The following MYO10 variants were observed in gnomAD, a reference collection of about 807,000 sequenced individuals.
The protein encoded by MYO10 is myosin X.
Under a neutral mutation model 257.3 loss-of-function variants are expected in MYO10, and 133 were observed. The observed-to-expected ratio is 0.52, with a 90% CI of 0.45 to 0.60. The LOEUF is 0.60. Ranked by LOEUF, MYO10 falls within the 20% of genes least tolerant of loss-of-function variation. MYO10 has a pLI of 0.00. For missense variants in MYO10, 2,399 were observed against 2,635.7 expected, an observed-to-expected ratio of 0.91 and a Z score of 1.97; for synonymous variants, 1,104 against 1,028.6, an observed-to-expected ratio of 1.07 and a Z score of -1.40.
intron 19 of MYO10, among the ~76,000 whole-genome samples, chr5:16,739,817 G>A (rs557056328): frequency 1.3e-5 from 2 of 152,074 alleles, no homozygotes; most frequent in South Asian, 2.1e-4. Flanking sequence ...TAAAATTATG[G>A]GTAACTAATT....
chr5:16,799,964 G>C (rs1417809109), intron 3 of MYO10, among the ~76,000 whole-genome samples: 1 of 152,140 alleles, frequency 6.6e-6, no homozygotes, highest in African/African-American at 2.4e-5. Context: ...TCAATTCTGA[G>C]TCACCATCTT....
At chr5:16,713,222 T>C in intron 19 of MYO10, 1 of 764,804 alleles carries the variant, frequency 1.3e-6, no homozygotes, top group African/African-American at 1.9e-5. Context: ...TCTCCCAGTC[T>C]CTATAGAACA....
At chr5:16,887,233 T>C (rs987933441) in intron 1 of MYO10, among the ~76,000 whole-genome samples, 7 of 152,104 alleles carry the variant, frequency 4.6e-5, no homozygotes, top group Admixed American at 2.6e-4. Context: ...GAGGATAACA[T>C]GAAAAGTTTA....
At chr5:16,800,854 C>T (rs777711651) in intron 3 of MYO10, among the ~76,000 whole-genome samples, 5 of 152,152 alleles carry the variant, frequency 3.3e-5, no homozygotes, top group East Asian at 1.9e-4. Context: ...CGTCTGAATG[C>T]GTGGTTAACG....
chr5:16,737,929 G>A (rs757183037), intron 19 of MYO10, among the ~76,000 whole-genome samples: 2 of 152,208 alleles, frequency 1.3e-5, no homozygotes, highest in Non-Finnish European at 1.5e-5. Flanking sequence ...ATCTGTTTGA[G>A]ATAGCTGACG....
chr5:16,927,136 C>T (rs1746156990), intron 1 of MYO10, among the ~76,000 whole-genome samples: 1 of 151,912 alleles, frequency 6.6e-6, no homozygotes. Flanking sequence ...TGCCTCTGGC[C>T]CCACAAATGA....
At chr5:16,710,830 T>TA in intron 21 of MYO10, 78 bp downstream of exon 21, 1 of 1,214,038 alleles carries the variant, frequency 8.2e-7, no homozygotes, top group Non-Finnish European at 1.2e-6. Flanking sequence ...AGCGGTGTCA[T>TA]AGAGCCCTAA....
chr5:16,672,906 C>T, intron 36 of MYO10, 81 bp from the exon 37 acceptor site: 2 of 1,490,834 alleles, frequency 1.3e-6, no homozygotes, highest in Admixed American at 2.2e-5. Context: ...TCACCTGATC[C>T]CAGAGGGAGC....
chr5:16,690,110 G>A (rs1737431377), intron 27 of MYO10, among the ~76,000 whole-genome samples, 191 bp from the exon 28 acceptor site: 1 of 151,968 alleles, frequency 6.6e-6, no homozygotes, highest in East Asian at 1.9e-4. Context: ...ACCAGCAGCA[G>A]ATCAAAAATA....
At chr5:16,669,597 G>A (rs530633766) in intron 39 of MYO10, among the ~76,000 whole-genome samples, 82 of 152,282 alleles carry the variant, frequency 5.4e-4, no homozygotes, top group African/African-American at 1.8e-3. Flanking sequence ...GGGAGAAATG[G>A]AATTATGGCT....
chr5:16,708,838 C>A (rs1039437879), intron 21 of MYO10, among the ~76,000 whole-genome samples: 10 of 152,212 alleles, frequency 6.6e-5, no homozygotes, highest in Non-Finnish European at 1.2e-4. Flanking sequence ...GCTGGAATTA[C>A]AAATGTGAGC....
intron 19 of MYO10, among the ~76,000 whole-genome samples, chr5:16,753,046 C>A (rs180887161): frequency 6.6e-6 from 1 of 152,202 alleles, no homozygotes; most frequent in Non-Finnish European, 1.5e-5. Flanking sequence ...CAAATTCTCA[C>A]CATCATATCT....
intron 19 of MYO10, among the ~76,000 whole-genome samples, chr5:16,725,787 C>CCT (rs1406942322): frequency 3.6e-5 from 5 of 138,292 alleles, no homozygotes; most frequent in East Asian, 2.2e-4. Flanking sequence ...CAGGTACCCC[C>CCT]TTTTTTTTTT....
rs540516444 is a variant in MYO10 at position 16,692,288 on chromosome 5, T to C, written c.3800+2083A>G. The stretch of plus-strand genomic sequence containing the variant: ...TACAAAAATTAGCCAGGCATGGTGG[T>C]AGGCACCTGTAATCCCAGCTACTCA... On this transcript the variant is annotated intron_variant, in intron 27 of 40. Coordinates refer to ENST00000513610, the MANE Select transcript of MYO10 (RefSeq NM_012334.3). 4.6e-5 allele frequency among the ~76,000 whole-genome samples: 7 copies of C among 151,966 alleles called. No individual in the cohort carries two copies. The South Asian group carries it at 1.3e-3, about 27-fold the overall frequency.
rs550989181 is a variant in MYO10 at position 16,682,068 on chromosome 5, C to T, written c.4047-55G>A. ...CCCCTTAGCCCTACCGTCAGCATCA[C>T]CTCTGTGTGAACCGAGACTCAGTGC... On this transcript the variant is annotated intron_variant, in intron 30 of 40. Transcript: ENST00000513610. The T allele has an allele frequency of 1.1e-5, 18 of 1,579,012 alleles. No individual in the cohort carries two copies. The East Asian group carries it at 3.4e-4, about 29-fold the overall frequency.
rs546000898 is a variant in MYO10, at chr5:16,835,387, G to C, written c.121-17220C>G. ...ATCTCTACTAAAAAATACAAAATTA[G>C]CCGGGCGTTGTGGAGCATGCCTGTA... On this transcript the variant is annotated intron_variant, in intron 2 of 40. Coordinates refer to ENST00000513610, the MANE Select transcript of MYO10 (RefSeq NM_012334.3). Among the ~76,000 whole-genome samples, 40 of 151,600 alleles carry C rather than the reference G, an allele frequency of 2.6e-4. 1 individual carries two copies. The South Asian group carries it at 8.1e-3, about 31-fold the overall frequency.
chr5:16,858,020 C>T (rs1390773084), intron 2 of MYO10, among the ~76,000 whole-genome samples: 2 of 152,188 alleles, frequency 1.3e-5, no homozygotes, highest in Non-Finnish European at 2.9e-5. Flanking sequence ...AAAGGACTGA[C>T]GGTCCATACG....
At chr5:16,774,255 A>C (rs1741145670) in intron 9 of MYO10, among the ~76,000 whole-genome samples, 1 of 152,070 alleles carries the variant, frequency 6.6e-6, no homozygotes, top group African/African-American at 2.4e-5. Context: ...TCAGCTTGTC[A>C]CCCTGGAAAC....
At chr5:16,692,466 T>C (rs1737553220) in intron 27 of MYO10, among the ~76,000 whole-genome samples, 1 of 152,162 alleles carries the variant, frequency 6.6e-6, no homozygotes, top group African/African-American at 2.4e-5. Context: ...TGCAGAAATC[T>C]GAACAATGAC....
Sources: allele counts gnomAD v4.1 joint callset (sites outside exome capture counted in the v4.1 genomes callset), GRCh38; gene constraint gnomAD v4.1.1; transcripts MANE v1.5; gene names NCBI Gene and HGNC (gene_info 2026-07-23, HGNC 2026-07-21).